Variants in TUBB4A observed in about 807,000 individuals in gnomAD.
The protein encoded by TUBB4A is tubulin beta 4A class IVa.
Under a neutral mutation model 35.1 loss-of-function variants are expected in TUBB4A, and 13 were observed. The ratio of observed to expected loss-of-function variants is 0.37; its 90% CI spans 0.24 to 0.59. The LOEUF (loss-of-function observed/expected upper bound fraction) is 0.59, where lower values mean the gene tolerates loss of function less well. Ranked by LOEUF, TUBB4A falls within the 20% of genes least tolerant of loss-of-function variation. The pLI is 0.71. For missense variants in TUBB4A, 299 were observed against 647.2 expected, an observed-to-expected ratio of 0.46 and a Z score of 5.84; for synonymous variants, 279 against 272.4, an observed-to-expected ratio of 1.02 and a Z score of -0.24.
At chr19:6,499,819 CG>C (rs2062817611) in intron 3 of TUBB4A, among the ~76,000 whole-genome samples, 1 of 148,044 alleles carries the variant, frequency 6.8e-6, no homozygotes, top group Admixed American at 6.7e-5. Flanking sequence ...TTTTTGGAGA[CG>C]AAGTTTCACT....
chr19:6,502,647 C>T (rs1171748144), upstream of TUBB4A: 1 of 167,412 alleles, frequency 6.0e-6, no homozygotes, highest in Non-Finnish European at 1.3e-5. Flanking sequence ...GCCCCTCCCC[C>T]TTAGCCTCCA....
chr19:6,497,131 T>G (rs1468474863), intron 3 of TUBB4A, among the ~76,000 whole-genome samples: 4 of 138,488 alleles, frequency 2.9e-5, no homozygotes, highest in Non-Finnish European at 6.1e-5. Flanking sequence ...GGTGGGAGAT[T>G]GCTTGAGCCC....
chr19:6,502,413 G>A (rs1914585598), upstream of TUBB4A: 8 of 575,036 alleles, frequency 1.4e-5, 1 homozygote, highest in Non-Finnish European at 1.7e-5. Context: ...ATGATGGAGG[G>A]GGCTGGGGTG....
chr19:6,502,251 G>A lies in TUBB4A; in HGVS notation c.-39C>T, dbSNP rs775857509. On this transcript the variant is annotated 5_prime_UTR_variant, in exon 1 of 4. Coordinates refer to ENST00000264071, the MANE Select transcript of TUBB4A (RefSeq NM_006087.4). ...AGGGTGGACGCGGCGGCGGTGGCAC[G>A]AGCGCGGGGAGCTGCGGCGGCGGCG... The A allele has an allele frequency of 4.9e-5, 73 of 1,489,930 alleles. No homozygotes were observed. The highest frequency in any genetic ancestry group is 5.9e-5 in the Non-Finnish European group (67 of 1,128,156). 92.3% of individuals were successfully genotyped at this position (1,489,930 alleles called of 1,614,324 possible).
In TUBB4A at chr19:6,494,531, G is replaced by C. The variant is rs74383079; in HGVS notation, c.*633C>G. ...GGTCAGAGGTAGGAGCTGACGCTGTGGGGGGTGGGGGGTGAAAGGTGAGGC... is the reference window on the plus strand; with the variant it reads ...GGTCAGAGGTAGGAGCTGACGCTGTCGGGGGTGGGGGGTGAAAGGTGAGGC... On this transcript the variant is annotated 3_prime_UTR_variant, in exon 4 of 4. Transcript: ENST00000264071. 2 of 155,640 alleles carry C rather than the reference G, an allele frequency of 1.3e-5. No individual in the cohort carries two copies. Among genetic ancestry groups the C allele is most frequent in the East Asian group, 3.8e-4 (2 of 5,266 alleles). 9.6% of individuals were successfully genotyped at this position (155,640 alleles called of 1,614,324 possible). A position where few individuals can be genotyped will look rare whatever the true frequency, so the allele number is the denominator to read the frequency against.
chr19:6,497,455 G>A (rs1257296909), intron 3 of TUBB4A, among the ~76,000 whole-genome samples: 2 of 150,862 alleles, frequency 1.3e-5, no homozygotes, highest in Non-Finnish European at 3.0e-5. Flanking sequence ...TTGTAGAGGT[G>A]GGGTTTCGAC....
In TUBB4A at chr19:6,494,999, C is replaced by G. The variant is rs1914052590; in HGVS notation, c.*165G>C. 3.8e-6 allele frequency: 3 copies of G among 792,366 alleles called. No homozygotes were observed. The highest frequency in any genetic ancestry group is 5.8e-5 in the Admixed American group (2 of 34,568). The allele number at this position is 792,366 out of a possible 1,614,324, so 49.1% of individuals were successfully genotyped here. On this transcript the variant is annotated 3_prime_UTR_variant, in exon 4 of 4. Coordinates refer to ENST00000264071, the MANE Select transcript of TUBB4A (RefSeq NM_006087.4). Reference sequence around the variant, plus strand: ...TTAGGGCTCAAAGGGGAGCCAGGGTCGGAGATGAAGTAGCCAGAGGTAAAG... The same window carrying G: ...TTAGGGCTCAAAGGGGAGCCAGGGTGGGAGATGAAGTAGCCAGAGGTAAAG...
At chr19:6,498,650 A>G (rs1238814901) in intron 3 of TUBB4A, among the ~76,000 whole-genome samples, 6 of 152,144 alleles carry the variant, frequency 3.9e-5, no homozygotes, top group Non-Finnish European at 8.8e-5. Context: ...CTTTCCCCCC[A>G]GGTATTCACC....
chr19:6,498,565 G>A (rs906217378), intron 3 of TUBB4A, among the ~76,000 whole-genome samples: 5 of 152,208 alleles, frequency 3.3e-5, no homozygotes, highest in Admixed American at 6.5e-5. Context: ...TGCTTCAGCC[G>A]CAGCTGTTAC....
At chr19:6,496,390 G>T in intron 3 of TUBB4A, 169 bp from the exon 4 acceptor site, 1 of 655,828 alleles carries the variant, frequency 1.5e-6, no homozygotes, top group East Asian at 2.9e-5. Flanking sequence ...AGCACTTTGG[G>T]AGGCCGAGGT....
chr19:6,497,025 ATATATATAT>A lies in TUBB4A; in HGVS notation c.278-813_278-805del, dbSNP rs1219071539. On this transcript the variant is annotated intron_variant, in intron 3 of 3. Coordinates refer to ENST00000264071, the MANE Select transcript of TUBB4A (RefSeq NM_006087.4). ...AAAAAAAAAAAAAAAAAAAAAAAAAATATATATATATATATATATATATATATATATATA... is the reference window on the plus strand; with the variant it reads ...AAAAAAAAAAAAAAAAAAAAAAAAAAATATATATATATATATATATATATA... Among the ~76,000 whole-genome samples, 66 of 8,418 alleles carry A rather than the reference ATATATATAT, an allele frequency of 7.8e-3. 2 individuals carry two copies. The highest frequency in any genetic ancestry group is 0.011 in the South Asian group (1 of 90). The allele number at this position is 8,418 out of a possible 152,430, so 5.5% of individuals were successfully genotyped here. A position where few individuals can be genotyped will look rare whatever the true frequency, so the allele number is the denominator to read the frequency against.
At chr19:6,502,678 C>T (rs1914598502), upstream of TUBB4A, 1 of 157,360 alleles carries the variant, frequency 6.4e-6, no homozygotes, top group African/African-American at 2.4e-5. Context: ...CCAGGCCTTG[C>T]CTCAGTTTCT....
chr19:6,497,917 A>AAAG lies in TUBB4A; in HGVS notation c.278-1699_278-1697dup, dbSNP rs1158301625. On this transcript the variant is annotated intron_variant, in intron 3 of 3. Transcript: ENST00000264071. ...CCGTCTCAAAAAAAAAAAAAAAAAA[A>AAAG]AAGAAGAATATTGGCCAGGCGTGGT... 6.5e-4 allele frequency among the ~76,000 whole-genome samples: 89 copies of AAAG among 136,340 alleles called. 2 individuals are homozygous for AAAG. The highest frequency in any genetic ancestry group is 2.2e-3 in the African/African-American group (77 of 35,630). The allele number at this position is 136,340 out of a possible 152,430, so 89.4% of individuals were successfully genotyped here. A position where few individuals can be genotyped will look rare whatever the true frequency, so the allele number is the denominator to read the frequency against.
intron 1 of TUBB4A, 44 bp downstream of exon 1, chr19:6,502,112 C>A: frequency 1.3e-6 from 2 of 1,527,908 alleles, no homozygotes; most frequent in Non-Finnish European, 1.7e-6. Flanking sequence ...CCGCGGTGCT[C>A]CCCGGGGCCG....
rs1279727525 is a variant in TUBB4A at position 6,502,189 on chromosome 19, C to T, written c.24G>A (p.Gln8=). The part of the protein sequence containing the change: MREIVHL[Q]AGQCGNQIGA... ...CGATCTGGTTGCCGCACTGGCCGGC[C>T]TGCAGGTGCACGATCTCCCGCATGG... Residue 8 remains glutamine, a synonymous_variant, in exon 1 of 4, where the codon CAG becomes CAA. Transcript: ENST00000264071. 3 of 1,574,736 alleles carry T rather than the reference C, an allele frequency of 1.9e-6. No homozygotes were observed. In the South Asian group the frequency reaches 3.4e-5, roughly 18 times the overall value.
Position 6,501,536 on chromosome 19 carries a change from C to T in TUBB4A, c.145G>A (p.Val49Met). 1 of 1,614,080 alleles carries T rather than the reference C, an allele frequency of 6.2e-7. No homozygotes were observed. The highest frequency in any genetic ancestry group is 8.5e-7 in the Non-Finnish European group (1 of 1,179,966). ...CTACCTGTGGCCTCGTTGTAGTACA[C>T]GTTGATCCTCTCCAGTTGCAGGTCA... Reference protein sequence around the residue: ...DSDLQLERINVYYNEATGGNY... With the variant: ...DSDLQLERINMYYNEATGGNY... Residue 49 changes from valine to methionine, a missense_variant, in exon 2 of 4, where the codon GTG (valine) becomes ATG (methionine). Around this residue, in one of 5 missense-constraint regions of TUBB4A, gnomAD observed 123 missense variants for 226.0 expected, o/e 0.54. Transcript: ENST00000264071. This position sits in a 1 kb window ranked among gnomAD's most constrained non-coding sequence, Gnocchi z 4.2.
At position 6,501,665 on chromosome 19, in the gene TUBB4A, C is replaced by T; in HGVS notation, c.58-42G>A. Reference sequence around the variant, plus strand: ...TCGGAAGAGTTGAGAGAGGGGAAGCCGGTGGCCAAGCCGAGGACTGCCCCC... The same window carrying T: ...TCGGAAGAGTTGAGAGAGGGGAAGCTGGTGGCCAAGCCGAGGACTGCCCCC... On this transcript the variant is annotated intron_variant, in intron 1 of 3. Transcript: ENST00000264071. This position sits in a 1 kb window ranked among gnomAD's most constrained non-coding sequence, Gnocchi z 4.2. The T allele has an allele frequency of 6.4e-7, 1 of 1,571,006 alleles. No individual in the cohort carries two copies. Among genetic ancestry groups the T allele is most frequent in the East Asian group, 2.2e-5 (1 of 44,588 alleles).
rs1914108769 is a variant in TUBB4A, at chr19:6,495,553, C to T, written c.946G>A (p.Val316Met). The change falls in exon 4 of 4, where the codon GTG becomes ATG. Residue 316 changes from valine to methionine, a missense_variant. Coordinates refer to ENST00000264071, the MANE Select transcript of TUBB4A (RefSeq NM_006087.4). The surrounding 1 kb of genome is among the most constrained non-coding windows in gnomAD (Gnocchi z 8.7). The part of the protein sequence containing the change: ...RHGRYLTVAA[V>M]FRGRMSMKEV... The stretch of plus-strand genomic sequence containing the variant: ...TTCATGGACATGCGGCCCCGGAACA[C>T]GGCGGCCACGGTCAGGTAGCGGCCG... 3 of 1,614,142 alleles carry T rather than the reference C, an allele frequency of 1.9e-6. No individual in the cohort carries two copies. The highest frequency in any genetic ancestry group is 2.2e-5 in the South Asian group (2 of 91,082).
Position 6,501,422 on chromosome 19 carries a change from G to A in TUBB4A, c.167-25C>T. ...CCTGCAGGGAAACAGATGGAGGGCA[G>A]TTCGATGCGTGCCAGGAACCACAGG... On this transcript the variant is annotated intron_variant, in intron 2 of 3. Coordinates refer to ENST00000264071, the MANE Select transcript of TUBB4A (RefSeq NM_006087.4). This position sits in a 1 kb window ranked among gnomAD's most constrained non-coding sequence, Gnocchi z 4.2. 6.2e-7 allele frequency: 1 copy of A among 1,607,874 alleles called. No individual in the cohort carries two copies.
Sources: allele counts gnomAD v4.1 joint callset (sites outside exome capture counted in the v4.1 genomes callset), GRCh38; gene constraint gnomAD v4.1.1; regional missense constraint gnomAD v4.1.1; non-coding constraint Gnocchi (gnomAD v3.1); transcripts MANE v1.5; gene names NCBI Gene and HGNC (gene_info 2026-07-23, HGNC 2026-07-21).